Variants in ODAM observed in about 807,000 individuals in gnomAD.
ODAM encodes odontogenic, ameloblast associated.
A neutral mutation model predicts 48.5 loss-of-function variants in ODAM; 55 were observed. The observed-to-expected ratio is 1.13, with a 90% CI of 0.91 to 1.42. The LOEUF is 1.42. ODAM is among the 40% of genes most tolerant of loss of function. The probability of loss-of-function intolerance (pLI) is 0.00; values close to 1 mark genes in which losing one functional copy is unlikely to be tolerated. For missense variants in ODAM, 353 were observed against 323.6 expected, an observed-to-expected ratio of 1.09 and a Z score of -0.70; for synonymous variants, 127 against 107.8, an observed-to-expected ratio of 1.18 and a Z score of -1.10.
rs984435264 is a variant in ODAM at position 70,204,551 on chromosome 4, G to A, written c.*406G>A. 1 of 151,964 alleles carries A rather than the reference G, an allele frequency of 6.6e-6. No homozygotes were observed. The highest frequency in any genetic ancestry group is 2.4e-5 in the African/African-American group (1 of 41,410). 9.4% of individuals were successfully genotyped at this position (151,964 alleles called of 1,614,324 possible). On this transcript the variant is annotated 3_prime_UTR_variant, in exon 12 of 12. Transcript: ENST00000683306. Reference sequence around the variant, plus strand: ...GATGAGTGTTGTGATTGGAACTGATGAAGTAAAATAAGTATCTAGATTTGA... The same window carrying A: ...GATGAGTGTTGTGATTGGAACTGATAAAGTAAAATAAGTATCTAGATTTGA...
rs181654908 is a variant in ODAM at position 70,201,482 on chromosome 4, T to A, written c.557T>A (p.Ile186Asn). The A allele has an allele frequency of 1.3e-5, 20 of 1,519,728 alleles. No individual in the cohort carries two copies. The Admixed American group carries it at 2.1e-4, about 16-fold the overall frequency. 94.1% of individuals were successfully genotyped at this position (1,519,728 alleles called of 1,614,324 possible). The part of the protein sequence containing the change: ...QIPFYAQFGY[I>N]PQLAEPAISG... ...CCATTCTATGCTCAATTTGGATACA[T>A]TCCACAACTAGCAGAACCTGTAAGT... The change falls in exon 8 of 12, where the codon ATT becomes AAT. Residue 186 changes from isoleucine (I) to asparagine (N), a missense_variant. Ile to Asn is a moderately radical substitution (Grantham distance 149). Transcript: ENST00000683306.
At position 70,202,885 on chromosome 4, in the gene ODAM, C is replaced by A. The variant is rs980703702; in HGVS notation, c.778C>A (p.Gln260Lys). 3.7e-6 allele frequency: 6 copies of A among 1,611,882 alleles called. No individual in the cohort carries two copies. The highest frequency in any genetic ancestry group is 1.3e-5 in the African/African-American group (1 of 74,730). ...TTNVFTSAVD[Q>K]TITPELPEEK... ...CAATGTTTTCACTTCTGCTGTAGAC[C>A]AAACTATTACCCCAGAGCTCCCAGA... The change falls in exon 10 of 12, where the codon CAA becomes AAA. Residue 260 changes from glutamine (Q) to lysine (K), a missense_variant. Gln to Lys is a moderately conservative substitution (Grantham distance 53). Transcript: ENST00000683306.
intron 9 of ODAM, among the ~76,000 whole-genome samples, 171 bp from the exon 10 acceptor site, chr4:70,202,585 A>G (rs920622806): frequency 2.6e-5 from 4 of 151,938 alleles, no homozygotes; most frequent in Non-Finnish European, 5.9e-5. Flanking sequence ...GTTTGCTGGT[A>G]TATATTCATG....
intron 1 of ODAM, among the ~76,000 whole-genome samples, chr4:70,196,244 T>C (rs1349648116): frequency 6.6e-6 from 1 of 151,988 alleles, no homozygotes; most frequent in Non-Finnish European, 1.5e-5. Flanking sequence ...GAGATCATCT[T>C]GTTCTTTAAT....
chr4:70,200,542 C>A lies in ODAM; in HGVS notation c.469C>A (p.Pro157Thr), dbSNP rs753424937. ...TTACATGGTCCTACCCTGGGAACAA[C>A]CTCAGCAAACAGTTCCAAGGTCACC... ...PVYMVLPWEQPQQTVPRSPQQ... is the reference protein window; with the variant it reads ...PVYMVLPWEQTQQTVPRSPQQ... The change falls in exon 7 of 12, where the codon CCT becomes ACT. Residue 157 changes from proline to threonine, a missense_variant. Pro to Thr is a conservative substitution (Grantham distance 38). Transcript: ENST00000683306. 3.7e-5 allele frequency: 59 copies of A among 1,611,294 alleles called. No individual in the cohort carries two copies. The highest frequency in any genetic ancestry group is 4.9e-5 in the Non-Finnish European group (58 of 1,178,304).
rs977805478 is a variant in ODAM, at chr4:70,198,456, T to G, written c.376-123T>G. 47 of 766,608 alleles carry G rather than the reference T, an allele frequency of 6.1e-5. No individual in the cohort carries two copies. The African/African-American group carries it at 6.5e-4, about 11-fold the overall frequency. The allele number at this position is 766,608 out of a possible 1,614,324, so 47.5% of individuals were successfully genotyped here. ...GTCAGCACATGTAACGGATGACTTT[T>G]TGTTGTGGAAACTTGTTAACACAAA... On this transcript the variant is annotated intron_variant, in intron 5 of 11. Coordinates refer to ENST00000683306, the MANE Select transcript of ODAM (RefSeq NM_017855.4).
chr4:70,200,567 C>T lies in ODAM; in HGVS notation c.494C>T (p.Pro165Leu). 1 of 1,611,172 alleles carries T rather than the reference C, an allele frequency of 6.2e-7. No homozygotes were observed. Among genetic ancestry groups the T allele is most frequent in the Non-Finnish European group, 8.5e-7 (1 of 1,178,122 alleles). Residue 165 changes from proline to leucine, a missense_variant, in exon 7 of 12, where the codon CCT becomes CTT. Transcript: ENST00000683306. ...CCTCAGCAAACAGTTCCAAGGTCAC[C>T]TCAACAAACAAGACAGCAACAGTAT... ...EQPQQTVPRS[P>L]QQTRQQQYEE...
chr4:70,198,634 G>T lies in ODAM; in HGVS notation c.423+8G>T, dbSNP rs1321880537. 2 of 1,603,232 alleles carry T rather than the reference G, an allele frequency of 1.2e-6. No homozygotes were observed. Among genetic ancestry groups the T allele is most frequent in the South Asian group, 2.2e-5 (2 of 89,738 alleles). ...CCTCAAGAGCAAGGACAGGTAAATGGATATAACAACACTGCCCATAGAGAT... is the reference window on the plus strand; with the variant it reads ...CCTCAAGAGCAAGGACAGGTAAATGTATATAACAACACTGCCCATAGAGAT... On this transcript the variant is annotated splice_region_variant and intron_variant, in intron 6 of 11. Transcript: ENST00000683306.
chr4:70,201,282 A>G (rs1729487214), intron 7 of ODAM, among the ~76,000 whole-genome samples, 172 bp from the exon 8 acceptor site: 1 of 151,886 alleles, frequency 6.6e-6, no homozygotes, highest in South Asian at 2.1e-4. Context: ...ATGGTATTAA[A>G]AAGATTCTTG....
chr4:70,198,328 C>CA (rs1440488360), intron 5 of ODAM, among the ~76,000 whole-genome samples, 171 bp downstream of exon 5: 2 of 151,770 alleles, frequency 1.3e-5, no homozygotes, highest in Non-Finnish European at 2.9e-5. Flanking sequence ...ATTTCTAAGA[C>CA]AAAAAATATT....
chr4:70,195,877 A>AAGCATTTAGGG, intron 1 of ODAM, 84 bp downstream of exon 1: 1 of 401,270 alleles, frequency 2.5e-6, no homozygotes, highest in Non-Finnish European at 3.4e-6. Context: ...TTCACCCTAA[A>AAGCATTTAGGG]TGCTTGATTA....
At chr4:70,198,797 C>T (rs762949487) in intron 6 of ODAM, among the ~76,000 whole-genome samples, 171 bp downstream of exon 6, 7 of 151,936 alleles carry the variant, frequency 4.6e-5, no homozygotes, top group Non-Finnish European at 2.9e-5. Context: ...GTTGGGCTCA[C>T]TTAACAACTC....
At chr4:70,196,881 A>T in intron 3 of ODAM, 148 bp downstream of exon 3, 1 of 625,262 alleles carries the variant, frequency 1.6e-6, no homozygotes, top group Non-Finnish European at 2.8e-6. Flanking sequence ...ATGTTTGATT[A>T]TATAACAGGT....
At chr4:70,198,798 T>G (rs1729436285) in intron 6 of ODAM, among the ~76,000 whole-genome samples, 172 bp downstream of exon 6, 1 of 151,992 alleles carries the variant, frequency 6.6e-6, no homozygotes, top group African/African-American at 2.4e-5. Flanking sequence ...TTGGGCTCAC[T>G]TAACAACTCC....
chr4:70,198,590 T>C lies in ODAM; in HGVS notation c.387T>C (p.Tyr129=). 1 of 1,598,494 alleles carries C rather than the reference T, an allele frequency of 6.3e-7. No homozygotes were observed. Among genetic ancestry groups the C allele is most frequent in the South Asian group, 1.1e-5 (1 of 88,014 alleles). ...TQPGPSHVMP[Y]VFSFKMPQEQ... is the part of the protein sequence containing the mutation. ...CTTTTTTTTGGCAGGTGATGCCCTATGTATTCTCCTTCAAAATGCCTCAAG... is the reference window on the plus strand; with the variant it reads ...CTTTTTTTTGGCAGGTGATGCCCTACGTATTCTCCTTCAAAATGCCTCAAG... The change falls in exon 6 of 12, where the codon TAT becomes TAC. Residue 129 remains tyrosine (Y), a synonymous_variant. Coordinates refer to ENST00000683306, the MANE Select transcript of ODAM (RefSeq NM_017855.4).
chr4:70,202,734 T>C, intron 9 of ODAM, 22 bp from the exon 10 acceptor site: 1 of 1,586,520 alleles, frequency 6.3e-7, no homozygotes, highest in Non-Finnish European at 8.6e-7. Flanking sequence ...GACAACTTTG[T>C]TTTCATTCTC....
intron 7 of ODAM, among the ~76,000 whole-genome samples, chr4:70,200,987 T>C (rs978489172): frequency 2.0e-5 from 3 of 152,008 alleles, no homozygotes; most frequent in Non-Finnish European, 2.9e-5. Flanking sequence ...TGATGAAAGA[T>C]ATATCTGATC....
chr4:70,196,648 C>A, intron 2 of ODAM, 44 bp from the exon 3 acceptor site: 1 of 1,597,856 alleles, frequency 6.3e-7, no homozygotes, highest in Non-Finnish European at 8.5e-7. Flanking sequence ...TCAACAATCC[C>A]TTCTTTTTAC....
In ODAM at chr4:70,199,596, C is replaced by G. The variant is rs574026740; in HGVS notation, c.424-901C>G. ...TTTAACCATGAAACCAGTAGCTCTC[C>G]ATCCTGGCTTTACATTAGAATCTCT... On this transcript the variant is annotated intron_variant, in intron 6 of 11. Coordinates refer to ENST00000683306, the MANE Select transcript of ODAM (RefSeq NM_017855.4). Among the ~76,000 whole-genome samples, 16 of 152,056 alleles carry G rather than the reference C, an allele frequency of 1.1e-4. 1 individual carries two copies. The highest frequency in any genetic ancestry group is 3.1e-4 in the African/African-American group (13 of 41,496).
Sources: allele counts gnomAD v4.1 joint callset (sites outside exome capture counted in the v4.1 genomes callset), GRCh38; gene constraint gnomAD v4.1.1; transcripts MANE v1.5; gene names NCBI Gene and HGNC (gene_info 2026-07-23, HGNC 2026-07-21).